Variants in PTK2B observed in about 807,000 individuals in gnomAD.
PTK2B encodes protein-tyrosine kinase 2-beta.
PTK2B carries 71 observed loss-of-function variants against 142.9 expected under a neutral mutation model. The observed-to-expected ratio is 0.50, with a 90% CI of 0.41 to 0.61. The LOEUF is 0.61. Ranked by LOEUF, PTK2B falls within the 20% of genes least tolerant of loss-of-function variation. PTK2B has a pLI of 0.00. For synonymous variants in PTK2B, 519 were observed against 503.4 expected (o/e 1.03, Z -0.42); for missense variants, 1,105 against 1,320.4 (o/e 0.84, Z 2.53).
intron 1 of PTK2B, among the ~76,000 whole-genome samples, chr8:27,351,139 G>A (rs1586139755): frequency 6.8e-6 from 1 of 147,070 alleles, no homozygotes; most frequent in African/African-American, 2.5e-5. Flanking sequence ...AGAAGTTCCA[G>A]GTAGCAATGA....
chr8:27,377,005 C>A (rs1316831861), intron 1 of PTK2B, among the ~76,000 whole-genome samples: 3 of 152,140 alleles, frequency 2.0e-5, no homozygotes, highest in African/African-American at 7.2e-5. Context: ...TTTCCTATAA[C>A]ATTTTCACTC....
intron 20 of PTK2B, 124 bp from the exon 21 acceptor site, chr8:27,440,113 T>TGGA (rs1329035365): frequency 2.1e-6 from 2 of 950,678 alleles, no homozygotes; most frequent in East Asian, 2.6e-5. Flanking sequence ...CCCAGGGTGC[T>TGGA]GGAGGAGGAG....
At chr8:27,321,353 G>A (rs140437819), upstream of PTK2B, among the ~76,000 whole-genome samples, 5 of 152,126 alleles carry the variant, frequency 3.3e-5, no homozygotes, top group East Asian at 3.9e-4. Flanking sequence ...TTGTGTGCAC[G>A]GTCAGAGACC....
intron 2 of PTK2B, among the ~76,000 whole-genome samples, chr8:27,404,185 A>T (rs1457087195): frequency 6.6e-6 from 1 of 152,090 alleles, no homozygotes; most frequent in Non-Finnish European, 1.5e-5. Context: ...CCTGCCTGGC[A>T]CACTGACCGG....
chr8:27,423,699 A>C (rs911142046), intron 5 of PTK2B, among the ~76,000 whole-genome samples: 2 of 152,152 alleles, frequency 1.3e-5, no homozygotes, highest in Admixed American at 1.3e-4. Context: ...GCACTGGGGA[A>C]TTCTGGCCCC....
chr8:27,454,404 C>T, intron 29 of PTK2B, 113 bp downstream of exon 29: 1 of 1,551,404 alleles, frequency 6.4e-7, no homozygotes, highest in Non-Finnish European at 8.8e-7. Context: ...GCAAGCTGGG[C>T]CAGGGGAATT....
At chr8:27,311,388 GA>G (rs1802963416), upstream of PTK2B, 1 of 974,070 alleles carries the variant, frequency 1.0e-6, no homozygotes, top group Non-Finnish European at 1.4e-6. Flanking sequence ...GTGCGGGGGG[GA>G]TGGCGAGGGG....
At chr8:27,387,583 G>A (rs182616074) in intron 1 of PTK2B, among the ~76,000 whole-genome samples, 203 of 152,198 alleles carry the variant, frequency 1.3e-3, no homozygotes, top group Non-Finnish European at 1.7e-3. Flanking sequence ...CCTAGAAGAC[G>A]GCCTCTCAAA....
At chr8:27,397,815 A>C (rs371424444) in intron 2 of PTK2B, 27 bp downstream of exon 2, 114 of 1,609,046 alleles carry the variant, frequency 7.1e-5, no homozygotes, top group Non-Finnish European at 9.3e-5. Context: ...TGCCCTGTCC[A>C]TCTGTCTGTC....
At position 27,353,410 on chromosome 8, in the gene PTK2B, A is replaced by ATT. The variant is rs566803015; in HGVS notation, c.-38+27730_-38+27731insTT. 7.1e-4 allele frequency among the ~76,000 whole-genome samples: 108 copies of ATT among 152,284 alleles called. 1 individual carries two copies. The South Asian group carries it at 0.022, about 31-fold the overall frequency. ...CAGATGCAGGGTGCATTGCTTACCA[A>ATT]TCTGCTGTGAAATTTTCTCCTCCTT... On this transcript the variant is annotated intron_variant, in intron 1 of 30. Transcript: ENST00000346049.
chr8:27,445,233 T>C (rs370583276), intron 23 of PTK2B, among the ~76,000 whole-genome samples: 1 of 151,884 alleles, frequency 6.6e-6, no homozygotes, highest in East Asian at 1.9e-4. Context: ...AATAAAATTG[T>C]GATATACTTA....
At chr8:27,452,916 C>T (rs1282199123) in intron 27 of PTK2B, 198 bp from the exon 28 acceptor site, 1 of 622,598 alleles carries the variant, frequency 1.6e-6, no homozygotes, top group Non-Finnish European at 2.8e-6. Context: ...ATAAAAGGGA[C>T]AACAGTGCTG....
At position 27,351,028 on chromosome 8, in the gene PTK2B, T is replaced by A. The variant is rs1238179040; in HGVS notation, c.-38+25347T>A. Among the ~76,000 whole-genome samples, 160 of 83,658 alleles carry A rather than the reference T, an allele frequency of 1.9e-3. 11 individuals carry two copies. The highest frequency in any genetic ancestry group is 7.1e-3 in the Middle Eastern group (1 of 140). 54.9% of individuals were successfully genotyped at this position (83,658 alleles called of 152,430 possible). A position where few individuals can be genotyped will look rare whatever the true frequency, so the allele number is the denominator to read the frequency against. On this transcript the variant is annotated intron_variant, in intron 1 of 30. Transcript: ENST00000346049. ...ATATATATATATATATATATATATA[T>A]ATATATATATATACGTGCTTGGAGC... is the stretch of plus-strand genomic sequence containing the variant.
At chr8:27,329,696 G>T (rs1803626992) in intron 1 of PTK2B, among the ~76,000 whole-genome samples, 1 of 152,084 alleles carries the variant, frequency 6.6e-6, no homozygotes, top group African/African-American at 2.4e-5. Flanking sequence ...CAGTTCCAGG[G>T]TTAAGGAGAA....
rs764637082 is a variant in PTK2B, at chr8:27,445,803, G to A, written c.2224G>A (p.Gly742Ser). ...APKLQFQVPE[G>S]LCASSPTLTS... ...TGCTTTTCCTGAATAGGTTCCTGAG[G>A]GTCTGTGTGCCAGCTCTCCTACGCT... The change falls in exon 24 of 31, where the codon GGT becomes AGT. Residue 742 changes from glycine to serine, a missense_variant. Coordinates refer to ENST00000346049, the MANE Select transcript of PTK2B (RefSeq NM_173176.3). 9.9e-6 allele frequency: 16 copies of A among 1,613,656 alleles called. No individual in the cohort carries two copies. In the Admixed American group the frequency reaches 2.7e-4, roughly 27 times the overall value.
At chr8:27,362,929 G>A (rs754414641) in intron 1 of PTK2B, among the ~76,000 whole-genome samples, 3 of 152,190 alleles carry the variant, frequency 2.0e-5, no homozygotes, top group African/African-American at 7.2e-5. Flanking sequence ...CAGTAGGTGC[G>A]GCAGTGTCAC....
In PTK2B at chr8:27,333,823, A is replaced by C. The variant is rs975247471; in HGVS notation, c.-38+8142A>C. Among the ~76,000 whole-genome samples the C allele has an allele frequency of 4.6e-5, 7 of 152,232 alleles. No homozygotes were observed. In the East Asian group the frequency reaches 1.4e-3, roughly 29 times the overall value. On this transcript the variant is annotated intron_variant, in intron 1 of 30. Coordinates refer to ENST00000346049, the MANE Select transcript of PTK2B (RefSeq NM_173176.3). Reference sequence around the variant, plus strand: ...CCCCTTCTCCATCATGTCTCCGGTGACCATCCAGATGTGATGATTCCCAGG... The same window carrying C: ...CCCCTTCTCCATCATGTCTCCGGTGCCCATCCAGATGTGATGATTCCCAGG...
At chr8:27,310,740 A>G (rs1586061537), upstream of PTK2B, 2 of 1,506,944 alleles carry the variant, frequency 1.3e-6, no homozygotes, top group African/African-American at 1.4e-5. Flanking sequence ...GGAGCCGCAG[A>G]GCCAAGGGAT....
rs1265375785 is a variant in PTK2B, at chr8:27,363,940, G to A, written c.-37-33608G>A. On this transcript the variant is annotated intron_variant, in intron 1 of 30. Coordinates refer to ENST00000346049, the MANE Select transcript of PTK2B (RefSeq NM_173176.3). This position sits in a 1 kb window ranked among gnomAD's most constrained non-coding sequence, Gnocchi z 4.3. ...GCTAAGATTAGACTAGGGCCCGGCCGCCTGTCTTGACACATGCGCACAAGC... is the reference window on the plus strand; with the variant it reads ...GCTAAGATTAGACTAGGGCCCGGCCACCTGTCTTGACACATGCGCACAAGC... Among the ~76,000 whole-genome samples the A allele has an allele frequency of 1.3e-5, 2 of 152,140 alleles. No individual in the cohort carries two copies. The highest frequency in any genetic ancestry group is 2.9e-5 in the Non-Finnish European group (2 of 68,010).
Sources: allele counts gnomAD v4.1 joint callset (sites outside exome capture counted in the v4.1 genomes callset), GRCh38; gene constraint gnomAD v4.1.1; non-coding constraint Gnocchi (gnomAD v3.1); transcripts MANE v1.5; gene names NCBI Gene and HGNC (gene_info 2026-07-23, HGNC 2026-07-21).